The following PLCL2 variants were observed in gnomAD, a reference collection of about 807,000 sequenced individuals.
PLCL2 encodes the protein phospholipase C like 2.
In PLCL2, 4 loss-of-function variants were observed where a neutral mutation model predicts 79.6. That is an observed-to-expected ratio of 0.05 (90% CI 0.02 to 0.11). The LOEUF is 0.11. Ranked by LOEUF, PLCL2 falls within the 10% of genes least tolerant of loss-of-function variation. PLCL2 has a pLI of 1.00. For synonymous variants in PLCL2, 484 were observed against 457.7 expected (o/e 1.06, Z -0.73); for missense variants, 895 against 1,291.0 (o/e 0.69, Z 4.70).
At chr3:16,900,263 ATTAAT>A (rs1324534987) in intron 1 of PLCL2, among the ~76,000 whole-genome samples, 2 of 152,228 alleles carry the variant, frequency 1.3e-5, no homozygotes, top group Non-Finnish European at 2.9e-5. Flanking sequence ...GGGCAATAAG[ATTAAT>A]TTAAACAGTT....
chr3:17,071,131 G>C (rs2065056380), intron 5 of PLCL2, among the ~76,000 whole-genome samples: 3 of 152,178 alleles, frequency 2.0e-5, no homozygotes, highest in Admixed American at 6.5e-5. Context: ...CATCACCATA[G>C]TCATTTGAAC....
In PLCL2 at chr3:17,089,781, C is replaced by T; in HGVS notation, c.3253C>T (p.Leu1085=). 1 of 1,613,606 alleles carries T rather than the reference C, an allele frequency of 6.2e-7. No homozygotes were observed. Among genetic ancestry groups the T allele is most frequent in the Non-Finnish European group, 8.5e-7 (1 of 1,179,628 alleles). ...KYAKNETLEN[L]KQIHFAAVSC... is the part of the protein sequence containing the mutation. Reference sequence around the variant, plus strand: ...TGCTAAGAATGAGACATTGGAGAACCTGAAACAAATCCATTTTGCTGCTGT... The same window carrying T: ...TGCTAAGAATGAGACATTGGAGAACTTGAAACAAATCCATTTTGCTGCTGT... Residue 1085 remains leucine (L), a synonymous_variant, in exon 6 of 6, where the codon CTG becomes TTG. Transcript: ENST00000615277.
rs371242934 is a variant in PLCL2 at position 16,941,300 on chromosome 3, C to A, written c.327+55934C>A. On this transcript the variant is annotated intron_variant, in intron 1 of 5. Coordinates refer to ENST00000615277, the MANE Select transcript of PLCL2 (RefSeq NM_001144382.2). ...CCTCTCAATTCCACTGTTGCATTAG[C>A]CTCTTGACCATTCTTTTTTCTTCCA... Among the ~76,000 whole-genome samples the A allele has an allele frequency of 3.3e-4, 51 of 152,306 alleles. No individual in the cohort carries two copies. The South Asian group carries it at 6.4e-3, about 19-fold the overall frequency.
At chr3:16,971,331 A>G (rs1575562015) in intron 1 of PLCL2, among the ~76,000 whole-genome samples, 1 of 152,092 alleles carries the variant, frequency 6.6e-6, no homozygotes, top group Admixed American at 6.5e-5. Context: ...TCCTTTCCCC[A>G]TTGCTTGTTT....
chr3:16,932,001 A>G (rs913102215), intron 1 of PLCL2, among the ~76,000 whole-genome samples: 2 of 152,160 alleles, frequency 1.3e-5, no homozygotes, highest in East Asian at 3.9e-4. Context: ...ATGTGAAGAT[A>G]TAAGGAAAAG....
chr3:16,922,476 A>G (rs1296520681), intron 1 of PLCL2, among the ~76,000 whole-genome samples: 1 of 152,194 alleles, frequency 6.6e-6, no homozygotes, highest in African/African-American at 2.4e-5. Context: ...AGGCCAAATT[A>G]GGGAAATATG....
intron 1 of PLCL2, among the ~76,000 whole-genome samples, chr3:16,970,930 T>C (rs2124978809): frequency 6.6e-6 from 1 of 152,146 alleles, no homozygotes; most frequent in African/African-American, 2.4e-5. Context: ...TCTTGTAAAT[T>C]TGTTTGAGTT....
chr3:17,082,554 T>A (rs961375128), intron 5 of PLCL2, among the ~76,000 whole-genome samples: 2 of 152,172 alleles, frequency 1.3e-5, no homozygotes, highest in South Asian at 2.1e-4. Context: ...AAGCCCAGAT[T>A]TATTGCCTTT....
intron 1 of PLCL2, among the ~76,000 whole-genome samples, chr3:16,958,348 T>C (rs2063725195): frequency 6.6e-6 from 1 of 152,272 alleles, no homozygotes; most frequent in African/African-American, 2.4e-5. Flanking sequence ...TTGTATTGTT[T>C]CAGCTTATAT....
At chr3:17,037,884 TGAAGGAGCAG>T (rs2064674148) in intron 3 of PLCL2, among the ~76,000 whole-genome samples, 1 of 152,020 alleles carries the variant, frequency 6.6e-6, no homozygotes, top group East Asian at 1.9e-4. Context: ...AAACAGAATA[TGAAGGAGCAG>T]TCTATAGAAA....
chr3:16,979,976 C>G lies in PLCL2; in HGVS notation c.328-29698C>G, dbSNP rs377745137. Among the ~76,000 whole-genome samples, 104 of 147,796 alleles carry G rather than the reference C, an allele frequency of 7.0e-4. 1 individual carries two copies. In the East Asian group the frequency reaches 0.014, roughly 20 times the overall value. ...CTGGCCGGACGGGGGGCTGACCCCC[C>G]CAACCTCCCTCCTGGATGGGGCAGC... is the stretch of plus-strand genomic sequence containing the variant. On this transcript the variant is annotated intron_variant, in intron 1 of 5. Transcript: ENST00000615277.
At chr3:16,924,417 A>C (rs1198717387) in intron 1 of PLCL2, among the ~76,000 whole-genome samples, 2 of 152,226 alleles carry the variant, frequency 1.3e-5, no homozygotes, top group Non-Finnish European at 2.9e-5. Context: ...TTCCTCAAAC[A>C]CCTGGGACAA....
intron 1 of PLCL2, among the ~76,000 whole-genome samples, chr3:16,938,446 C>T (rs188556072): frequency 3.9e-5 from 6 of 152,158 alleles, no homozygotes; most frequent in East Asian, 1.9e-4. Flanking sequence ...ATCCTTACCA[C>T]GTTGTATCTG....
intron 4 of PLCL2, among the ~76,000 whole-genome samples, chr3:17,065,306 A>G (rs781607182): frequency 2.2e-4 from 34 of 152,180 alleles, no homozygotes; most frequent in Non-Finnish European, 3.7e-4. Flanking sequence ...TTCCTTATCT[A>G]TATCATTTTT....
chr3:17,086,822 G>T (rs1338148116), intron 5 of PLCL2, among the ~76,000 whole-genome samples: 2 of 152,110 alleles, frequency 1.3e-5, no homozygotes, highest in Non-Finnish European at 2.9e-5. Flanking sequence ...AAACTCAACA[G>T]TAAGGAAACA....
At chr3:16,945,183 A>G (rs1195274721) in intron 1 of PLCL2, among the ~76,000 whole-genome samples, 1 of 152,130 alleles carries the variant, frequency 6.6e-6, no homozygotes, top group Non-Finnish European at 1.5e-5. Context: ...CTCAAAAATC[A>G]TCTTCTCAGC....
At chr3:17,038,447 C>T (rs1202768587) in intron 3 of PLCL2, among the ~76,000 whole-genome samples, 3 of 152,184 alleles carry the variant, frequency 2.0e-5, no homozygotes, top group Admixed American at 6.6e-5. Flanking sequence ...AACCATTCTA[C>T]TTGGCCTTGC....
At chr3:17,086,126 A>G (rs1440861806) in intron 5 of PLCL2, among the ~76,000 whole-genome samples, 1 of 152,262 alleles carries the variant, frequency 6.6e-6, no homozygotes, top group African/African-American at 2.4e-5. Context: ...AAGACCCAGA[A>G]TAGCCAACAC....
In PLCL2 at chr3:17,068,057, A is replaced by G. The variant is rs754060993; in HGVS notation, c.3196A>G (p.Ile1066Val). Residue 1066 changes from isoleucine (I) to valine (V), a missense_variant, in exon 5 of 6, where the codon ATC becomes GTC. By Grantham distance (29) the Ile-to-Val change is conservative. Coordinates refer to ENST00000615277, the MANE Select transcript of PLCL2 (RefSeq NM_001144382.2). ...GGAGAGCTTTACCTGGAATATTACC[A>G]TCTTAAAGGTATCTATAGAGTTGTT... ...AVESFTWNIT[I>V]LKGQADLLKY... 3 of 1,571,308 alleles carry G rather than the reference A, an allele frequency of 1.9e-6. No individual in the cohort carries two copies. The highest frequency in any genetic ancestry group is 2.2e-5 in the East Asian group (1 of 44,636).
Sources: gnomAD v4.1 joint callset for allele counts (sites outside exome capture counted in the v4.1 genomes callset) on GRCh38, gnomAD v4.1.1 for gene constraint, MANE v1.5 for transcripts, NCBI Gene and HGNC (gene_info 2026-07-23, HGNC 2026-07-21) for gene names.